CELSR3: variants seen among roughly 807,000 people sequenced by gnomAD.
CELSR3 encodes cadherin EGF LAG seven-pass G-type receptor 3.
A neutral mutation model predicts 270.0 loss-of-function variants in CELSR3; 73 were observed. That is an observed-to-expected ratio of 0.27 (90% CI 0.22 to 0.33). The LOEUF is 0.33. Among genes scored for constraint, CELSR3 ranks in the 10% least tolerant of loss-of-function variants. The pLI, the probability that CELSR3 is intolerant of heterozygous loss-of-function variation, is 1.00. For synonymous variants in CELSR3, 1,780 were observed against 1,905.4 expected, an observed-to-expected ratio of 0.93 and a Z score of 1.71; for missense variants, 3,614 against 4,533.8, an observed-to-expected ratio of 0.80 and a Z score of 5.83.
In CELSR3 at chr3:48,654,368, G is replaced by A. The variant is rs758430660; in HGVS notation, c.5073C>T (p.Ile1691=). 2.4e-5 allele frequency: 38 copies of A among 1,613,822 alleles called. No homozygotes were observed. Among genetic ancestry groups the A allele is most frequent in the Non-Finnish European group, 2.9e-5 (34 of 1,179,894 alleles). Residue 1691 remains isoleucine, a synonymous_variant, in exon 7 of 35, where the codon ATC becomes ATT. Transcript: ENST00000164024. This position sits in a 1 kb window ranked among gnomAD's most constrained non-coding sequence, Gnocchi z 5.4. ...CAATGTGCAGGTCCCGCATACAGCC[G>A]ATGAAGTCCTTATGGGATACGGGGA... ...ENFPVSHKDF[I]GCMRDLHIDG...
In CELSR3 at chr3:48,656,926, C is replaced by G; in HGVS notation, c.4171G>C (p.Val1391Leu). The G allele has an allele frequency of 6.2e-7, 1 of 1,611,698 alleles. No homozygotes were observed. The highest frequency in any genetic ancestry group is 1.1e-5 in the South Asian group (1 of 90,732). ...REPCENYMKC[V>L]SVLRFDSSAP... The stretch of plus-strand genomic sequence containing the variant: ...GACGAGTCAAAGCGGAGCACGGACA[C>G]GCATTTCATGTAGTTCTCACAGGGC... The change falls in exon 2 of 35, where the codon GTG becomes CTG. Residue 1391 changes from valine (V) to leucine (L), a missense_variant. Val to Leu is a conservative substitution (Grantham distance 32). Around this residue, in one of 7 missense-constraint regions of CELSR3, gnomAD observed 1,331 missense variants for 1,933.7 expected, o/e 0.69. Transcript: ENST00000164024.
chr3:48,645,205 A>G lies in CELSR3; in HGVS notation c.7802T>C (p.Val2601Ala), dbSNP rs1238441538. 2.5e-6 allele frequency: 4 copies of G among 1,572,256 alleles called. No individual in the cohort carries two copies. In the Admixed American group the frequency reaches 6.9e-5, roughly 27 times the overall value. The change falls in exon 25 of 35, where the codon GTG becomes GCG. Residue 2601 changes from valine to alanine, a missense_variant. Val to Ala is a moderately conservative substitution (Grantham distance 64). Around this residue, in one of 7 missense-constraint regions of CELSR3, gnomAD observed 1,240 missense variants for 1,351.7 expected, o/e 0.92. Transcript: ENST00000164024. This position sits in a 1 kb window ranked among gnomAD's most constrained non-coding sequence, Gnocchi z 5.4. ...LGIHRTHNQL[V>A]CTAVAILLHY... ...CAGGAGGATGGCGACTGCAGTGCAC[A>G]CCAGCTGAGGGCAGGGGGGCGTGTC...
In CELSR3 at chr3:48,642,715, C is replaced by T. The variant is rs2047039993; in HGVS notation, c.8555+21G>A. ...CTGGACTAAGCTGAGTGTTCCCTCA[C>T]AAGGAGGCTCTTCCTCTCACCTGAG... On this transcript the variant is annotated intron_variant, in intron 30 of 34. Coordinates refer to ENST00000164024, the MANE Select transcript of CELSR3 (RefSeq NM_001407.3). This position sits in a 1 kb window ranked among gnomAD's most constrained non-coding sequence, Gnocchi z 6.1. 1.2e-6 allele frequency: 2 copies of T among 1,604,152 alleles called. No homozygotes were observed. The highest frequency in any genetic ancestry group is 1.7e-5 in the Admixed American group (1 of 59,856).
chr3:48,647,799 G>C, intron 20 of CELSR3, 42 bp downstream of exon 20: 1 of 1,592,436 alleles, frequency 6.3e-7, no homozygotes. Context: ...TGGGGGGACA[G>C]AGAGACAGGA....
intron 27 of CELSR3, 176 bp from the exon 28 acceptor site, chr3:48,643,853 C>T (rs2047053008): frequency 1.4e-6 from 1 of 703,058 alleles, no homozygotes; most frequent in East Asian, 2.8e-5. Flanking sequence ...CACAAAGAAA[C>T]AGGAGAGCAG....
Position 48,660,730 on chromosome 3 carries a change from G to A in CELSR3, c.1905C>T (p.Gly635=), listed in dbSNP as rs760050793. 7 of 1,613,952 alleles carry A rather than the reference G, an allele frequency of 4.3e-6. No individual in the cohort carries two copies. Among genetic ancestry groups the A allele is most frequent in the South Asian group, 2.2e-5 (2 of 91,094 alleles). The change falls in exon 1 of 35, where the codon GGC becomes GGT. Residue 635 remains glycine (G), a synonymous_variant. Coordinates refer to ENST00000164024, the MANE Select transcript of CELSR3 (RefSeq NM_001407.3). This position sits in a 1 kb window ranked among gnomAD's most constrained non-coding sequence, Gnocchi z 5.5. The part of the protein sequence containing the change: ...AGRPPLSNNT[G]LASIQVVDIN... ...TGTCCACCACCTGGATGCTGGCCAG[G>A]CCCGTGTTGTTGGACAGCGGTGGCC...
At chr3:48,643,765 A>C in intron 27 of CELSR3, 88 bp from the exon 28 acceptor site, 1 of 1,453,578 alleles carries the variant, frequency 6.9e-7, no homozygotes, top group Non-Finnish European at 9.2e-7. Context: ...CACAGGGGCC[A>C]CACACGAAAC....
rs1575544758 is a variant in CELSR3 at position 48,656,354 on chromosome 3, C to G, written c.4411G>C (p.Glu1471Gln). 1 of 1,427,042 alleles carries G rather than the reference C, an allele frequency of 7.0e-7. No homozygotes were observed. Among genetic ancestry groups the G allele is most frequent in the East Asian group, 2.7e-5 (1 of 36,452 alleles). 88.4% of individuals were successfully genotyped at this position (1,427,042 alleles called of 1,614,324 possible). A position where few individuals can be genotyped will look rare whatever the true frequency, so the allele number is the denominator to read the frequency against. Residue 1471 changes from glutamate to glutamine, a missense_variant, in exon 3 of 35, where the codon GAG becomes CAG. Around this residue, in one of 7 missense-constraint regions of CELSR3, gnomAD observed 1,331 missense variants for 1,933.7 expected, o/e 0.69. Transcript: ENST00000164024. ...CRPRFTGEDC[E>Q]LDTEAGRCVP... ...CAGCGGCCGGCCTCGGTGTCCAGCTCGCAGTCCTCTCCTGGGGGCCAAGCC... is the reference window on the plus strand; with the variant it reads ...CAGCGGCCGGCCTCGGTGTCCAGCTGGCAGTCCTCTCCTGGGGGCCAAGCC...
At position 48,661,190 on chromosome 3, in the gene CELSR3, G is replaced by A. The variant is rs1446494353; in HGVS notation, c.1445C>T (p.Ala482Val). The A allele has an allele frequency of 6.3e-7, 1 of 1,597,308 alleles. No homozygotes were observed. The highest frequency in any genetic ancestry group is 8.5e-7 in the Non-Finnish European group (1 of 1,171,620). ...FVGPPAARAA[A>V]AAAFEIDPRS... ...TGGATCAATCTCGAAGGCGGCGGCA[G>A]CTGCAGCGCGCGCAGCTGGCGGCCC... Residue 482 changes from alanine to valine, a missense_variant, in exon 1 of 35, where the codon GCT (alanine) becomes GTT (valine). Around this residue, in one of 7 missense-constraint regions of CELSR3, gnomAD observed 354 missense variants for 500.9 expected, o/e 0.71. Coordinates refer to ENST00000164024, the MANE Select transcript of CELSR3 (RefSeq NM_001407.3).
rs780347312 is a variant in CELSR3 at position 48,642,049 on chromosome 3, G to T, written c.8666-40C>A. ...GTCAGAAGTACTTTCAGAGGTAAGG[G>T]ACTTGGAGATAAGGGAATTTGGAGT... is the stretch of plus-strand genomic sequence containing the variant. On this transcript the variant is annotated intron_variant, in intron 31 of 34. Coordinates refer to ENST00000164024, the MANE Select transcript of CELSR3 (RefSeq NM_001407.3). This position sits in a 1 kb window ranked among gnomAD's most constrained non-coding sequence, Gnocchi z 6.1. 1 of 1,500,924 alleles carries T rather than the reference G, an allele frequency of 6.7e-7. No homozygotes were observed. The highest frequency in any genetic ancestry group is 8.9e-7 in the Non-Finnish European group (1 of 1,124,374). 93.0% of individuals were successfully genotyped at this position (1,500,924 alleles called of 1,614,324 possible). A position where few individuals can be genotyped will look rare whatever the true frequency, so the allele number is the denominator to read the frequency against.
chr3:48,662,576 A>G lies in CELSR3; in HGVS notation c.59T>C (p.Leu20Pro). Residue 20 changes from leucine to proline, a missense_variant, in exon 1 of 35, where the codon CTG becomes CCG. By Grantham distance (98) the Leu-to-Pro change is moderately conservative (BLOSUM62 -3). Around this residue, in one of 7 missense-constraint regions of CELSR3, gnomAD observed 470 missense variants for 469.7 expected, o/e 1.00. Coordinates refer to ENST00000164024, the MANE Select transcript of CELSR3 (RefSeq NM_001407.3). This position sits in a 1 kb window ranked among gnomAD's most constrained non-coding sequence, Gnocchi z 7.1. Reference protein sequence around the residue: ...GLGGRSTPILLLLLLSLFPLS... With the variant: ...GLGGRSTPILPLLLLSLFPLS... ...GGGGAACAAAGAGAGGAGAAGGAGC[A>G]GGAGTATGGGGGTCGACCGTCCCCC... is the stretch of plus-strand genomic sequence containing the variant. 2 of 1,551,624 alleles carry G rather than the reference A, an allele frequency of 1.3e-6. No homozygotes were observed. Among genetic ancestry groups the G allele is most frequent in the Non-Finnish European group, 1.7e-6 (2 of 1,147,464 alleles).
chr3:48,658,391 T>C lies in CELSR3; in HGVS notation c.3748+496A>G, dbSNP rs574211489. Among the ~76,000 whole-genome samples, 1 of 152,248 alleles carries C rather than the reference T, an allele frequency of 6.6e-6. No individual in the cohort carries two copies. The highest frequency in any genetic ancestry group is 1.9e-4 in the East Asian group (1 of 5,182). On this transcript the variant is annotated intron_variant, in intron 1 of 34. Transcript: ENST00000164024. The surrounding 1 kb of genome is among the most constrained non-coding windows in gnomAD (Gnocchi z 4.7). The stretch of plus-strand genomic sequence containing the variant: ...CTGGACATTTTCCCAAAGGTCAGGG[T>C]CTCAGGCCCTACGAAGCCACTGTCC...
In CELSR3 at chr3:48,640,241, T is replaced by C. The variant is rs2047012441; in HGVS notation, c.9344A>G (p.Lys3115Arg). 4 of 1,612,744 alleles carry C rather than the reference T, an allele frequency of 2.5e-6. No homozygotes were observed. The East Asian group carries it at 6.7e-5, about 27-fold the overall frequency. The part of the protein sequence containing the change: ...MDAAPGRLEP[K>R]DRGSTLPRRQ... Reference sequence around the variant, plus strand: ...CCGTGGCAGGGTGCTGCCCCGATCTTTGGGCTCCAGTCGGCCTGGTGCAGC... The same window carrying C: ...CCGTGGCAGGGTGCTGCCCCGATCTCTGGGCTCCAGTCGGCCTGGTGCAGC... Residue 3115 changes from lysine (K) to arginine (R), a missense_variant, in exon 34 of 35, where the codon AAA becomes AGA. Lys to Arg is a conservative substitution (Grantham distance 26). Transcript: ENST00000164024. This position sits in a 1 kb window ranked among gnomAD's most constrained non-coding sequence, Gnocchi z 7.5.
rs1173134279 is a variant in CELSR3 at position 48,641,824 on chromosome 3, C to A, written c.8824+27G>T. 1.4e-6 allele frequency: 2 copies of A among 1,438,042 alleles called. No individual in the cohort carries two copies. Among genetic ancestry groups the A allele is most frequent in the Non-Finnish European group, 1.8e-6 (2 of 1,092,430 alleles). The allele number at this position is 1,438,042 out of a possible 1,614,324, so 89.1% of individuals were successfully genotyped here. On this transcript the variant is annotated intron_variant, in intron 32 of 34. Coordinates refer to ENST00000164024, the MANE Select transcript of CELSR3 (RefSeq NM_001407.3). This position sits in a 1 kb window ranked among gnomAD's most constrained non-coding sequence, Gnocchi z 4.8. ...TAACAAATGGGGCATCCCTTGGTCA[C>A]CCAAGGGGTCAGAGGGCGCCTGGCA...
chr3:48,662,298 G>T lies in CELSR3; in HGVS notation c.337C>A (p.His113Asn). 1 of 1,613,080 alleles carries T rather than the reference G, an allele frequency of 6.2e-7. No homozygotes were observed. The highest frequency in any genetic ancestry group is 8.5e-7 in the Non-Finnish European group (1 of 1,180,028). The change falls in exon 1 of 35, where the codon CAC becomes AAC. Residue 113 changes from histidine (H) to asparagine (N), a missense_variant. By Grantham distance (68) the His-to-Asn change is moderately conservative (BLOSUM62 1). This residue lies in a region of CELSR3 where 470 missense variants were observed against 469.7 expected (regional missense o/e 1.00). Coordinates refer to ENST00000164024, the MANE Select transcript of CELSR3 (RefSeq NM_001407.3). This position sits in a 1 kb window ranked among gnomAD's most constrained non-coding sequence, Gnocchi z 7.1. ...EQPNEELGIE[H>N]GVQPLGSRER... ...CGGCTGCCCAATGGCTGGACGCCGT[G>T]TTCAATCCCCAGCTCCTCATTCGGC...
rs137899735 is a variant in CELSR3, at chr3:48,646,099, G to A, written c.7454C>T (p.Pro2485Leu). The A allele has an allele frequency of 3.3e-5, 53 of 1,612,586 alleles. No homozygotes were observed. Among genetic ancestry groups the A allele is most frequent in the Non-Finnish European group, 4.2e-5 (49 of 1,179,810 alleles). Reference sequence around the variant, plus strand: ...GAATGGGGGTCCTCACAGGCCAGGTGGGTCCCACTGCACACAGATCGCCTT... The same window carrying A: ...GAATGGGGGTCCTCACAGGCCAGGTAGGTCCCACTGCACACAGATCGCCTT... ...RSKAICVQWD[P>L]PGLAEQHGVW... The change falls in exon 22 of 35, where the codon CCA (proline) becomes CTA (leucine). Residue 2485 changes from proline to leucine, a missense_variant. Pro to Leu is a moderately conservative substitution (Grantham distance 98). Transcript: ENST00000164024. This position sits in a 1 kb window ranked among gnomAD's most constrained non-coding sequence, Gnocchi z 4.8.
chr3:48,650,433 A>AGGGGGGGGGGGGG lies in CELSR3; in HGVS notation c.6472+46_6472+47insCCCCCCCCCCCCC. 6 of 927,808 alleles carry AGGGGGGGGGGGGG rather than the reference A, an allele frequency of 6.5e-6. No homozygotes were observed. Among genetic ancestry groups the AGGGGGGGGGGGGG allele is most frequent in the Admixed American group, 2.0e-5 (1 of 49,590 alleles). The allele number at this position is 927,808 out of a possible 1,614,324, so 57.5% of individuals were successfully genotyped here. ...GACATGGCTCTAGCAGTCAGAGTAC[A>AGGGGGGGGGGGGG]GGCCCACCCCCACCCTCAGTGATGT... On this transcript the variant is annotated intron_variant, in intron 16 of 34. Coordinates refer to ENST00000164024, the MANE Select transcript of CELSR3 (RefSeq NM_001407.3). This position sits in a 1 kb window ranked among gnomAD's most constrained non-coding sequence, Gnocchi z 5.1.
Position 48,640,139 on chromosome 3 carries a change from G to A in CELSR3, c.9446C>T (p.Pro3149Leu). 6.2e-7 allele frequency: 1 copy of A among 1,612,420 alleles called. No homozygotes were observed. Among genetic ancestry groups the A allele is most frequent in the Non-Finnish European group, 8.5e-7 (1 of 1,179,922 alleles). ...GSRDALDLGAPREWLSTLPPP... is the reference protein window; with the variant it reads ...GSRDALDLGALREWLSTLPPP... ...AGGCAGCGTGCTCAACCACTCTCGAGGTGCCCCTAAGTCGAGCGCATCCCG... is the reference window on the plus strand; with the variant it reads ...AGGCAGCGTGCTCAACCACTCTCGAAGTGCCCCTAAGTCGAGCGCATCCCG... The change falls in exon 34 of 35, where the codon CCT becomes CTT. Residue 3149 changes from proline (P) to leucine (L), a missense_variant. Physicochemically the swap from Pro to Leu is moderately conservative, Grantham distance 98. Coordinates refer to ENST00000164024, the MANE Select transcript of CELSR3 (RefSeq NM_001407.3). This position sits in a 1 kb window ranked among gnomAD's most constrained non-coding sequence, Gnocchi z 7.5.
rs577601495 is a variant in CELSR3, at chr3:48,639,108, C to T, written c.9911+566G>A. On this transcript the variant is annotated intron_variant, in intron 34 of 34. Coordinates refer to ENST00000164024, the MANE Select transcript of CELSR3 (RefSeq NM_001407.3). The surrounding 1 kb of genome is among the most constrained non-coding windows in gnomAD (Gnocchi z 4.1). ...TCCCCACAGATGCTTCACACATACC[C>T]GAGATGAACCAGGTTCCAACTCAGT... Among the ~76,000 whole-genome samples, 45 of 152,240 alleles carry T rather than the reference C, an allele frequency of 3.0e-4. 1 individual carries two copies. The highest frequency in any genetic ancestry group is 2.7e-3 in the Admixed American group (41 of 15,290).
Sources: allele counts gnomAD v4.1 joint callset (sites outside exome capture counted in the v4.1 genomes callset), GRCh38; gene constraint gnomAD v4.1.1; regional missense constraint gnomAD v4.1.1; non-coding constraint Gnocchi (gnomAD v3.1); transcripts MANE v1.5; gene names NCBI Gene and HGNC (gene_info 2026-07-23, HGNC 2026-07-21).